The following RYR3 variants were observed in gnomAD, a reference collection of about 807,000 sequenced individuals.
RYR3 encodes brain ryanodine receptor-calcium release channel.
Under a neutral mutation model 584.3 loss-of-function variants are expected in RYR3, and 207 were observed. The ratio of observed to expected loss-of-function variants is 0.35; its 90% CI spans 0.32 to 0.40. RYR3 has a LOEUF of 0.40. RYR3 is among the 10% of genes least tolerant of loss of function. The pLI is 1.00. For synonymous variants in RYR3, 2,416 were observed against 2,248.5 expected (o/e 1.07, Z -2.11); for missense variants, 5,616 against 6,089.2 (o/e 0.92, Z 2.59).
intron 38 of RYR3, among the ~76,000 whole-genome samples, chr15:33,687,841 G>T (rs1291785029): frequency 2.0e-5 from 3 of 152,180 alleles, no homozygotes; most frequent in African/African-American, 7.2e-5. Flanking sequence ...AAATGGTGCT[G>T]GGAAAACTGG....
chr15:33,637,189 A>G (rs16957065), intron 27 of RYR3, among the ~76,000 whole-genome samples: 43,841 of 152,134 alleles, frequency 0.29, 7,140 homozygotes, highest in Middle Eastern at 0.37. Flanking sequence ...TATGTACACA[A>G]GACTGTTGGT....
intron 98 of RYR3, among the ~76,000 whole-genome samples, chr15:33,857,502 C>T (rs1023874088): frequency 9.9e-5 from 15 of 152,104 alleles, no homozygotes; most frequent in Admixed American, 9.8e-4. Context: ...GTACTGGAGG[C>T]CAGGACCTCA....
At chr15:33,819,969 A>G (rs879053486) in intron 77 of RYR3, among the ~76,000 whole-genome samples, 162 bp downstream of exon 77, 3 of 152,200 alleles carry the variant, frequency 2.0e-5, no homozygotes, top group South Asian at 4.1e-4. Flanking sequence ...ATATTAGTAA[A>G]CCAATTCACC....
intron 48 of RYR3, 107 bp downstream of exon 48, chr15:33,731,801 A>G (rs1596344622): frequency 1.1e-5 from 8 of 758,248 alleles, no homozygotes; most frequent in Non-Finnish European, 1.8e-5. Flanking sequence ...CTTCCAGGCC[A>G]TTGTCATACA....
In RYR3 at chr15:33,762,931, T is replaced by C. The variant is rs539197007; in HGVS notation, c.8705+5335T>C. On this transcript the variant is annotated intron_variant, in intron 60 of 103. Transcript: ENST00000634891. ...GTACCAAAACAGAGATATAGACCAA[T>C]GGAACAGAACACAGGCCTCAGAAAT... Among the ~76,000 whole-genome samples, 24 of 152,148 alleles carry C rather than the reference T, an allele frequency of 1.6e-4. No individual in the cohort carries two copies. The South Asian group carries it at 5.0e-3, about 32-fold the overall frequency.
intron 1 of RYR3, among the ~76,000 whole-genome samples, chr15:33,470,300 G>C (rs946216830): frequency 6.6e-6 from 1 of 152,044 alleles, no homozygotes; most frequent in Non-Finnish European, 1.5e-5. Context: ...GGGAGGTATG[G>C]TTATTTTATA....
At chr15:33,430,066 A>G (rs2044997249) in intron 1 of RYR3, among the ~76,000 whole-genome samples, 1 of 152,268 alleles carries the variant, frequency 6.6e-6, no homozygotes, top group Non-Finnish European at 1.5e-5. Context: ...TCCAGCCAAC[A>G]TCAGCAAAAA....
chr15:33,838,814 G>A lies in RYR3; in HGVS notation c.12834G>A (p.Met4278Ile). The change falls in exon 89 of 104, where the codon ATG becomes ATA. Residue 4278 changes from methionine to isoleucine, a missense_variant. Physicochemically the swap from Met to Ile is conservative, Grantham distance 10. Coordinates refer to ENST00000634891, the MANE Select transcript of RYR3 (RefSeq NM_001036.6). The stretch of plus-strand genomic sequence containing the variant: ...GGGAGAAGGGAGATACAGATATCAT[G>A]TCAGACCTCTTTGGACTCCACCCAA... ...IKGEKGDTDI[M>I]SDLFGLHPKK... 6.2e-7 allele frequency: 1 copy of A among 1,613,946 alleles called. No individual in the cohort carries two copies. Among genetic ancestry groups the A allele is most frequent in the East Asian group, 2.2e-5 (1 of 44,886 alleles).
In RYR3 at chr15:33,827,261, A is replaced by G. The variant is rs1175839691; in HGVS notation, c.11308A>G (p.Thr3770Ala). The change falls in exon 85 of 104, where the codon ACT becomes GCT. Residue 3770 changes from threonine to alanine, a missense_variant. Physicochemically the swap from Thr to Ala is moderately conservative, Grantham distance 58 (BLOSUM62 0). Coordinates refer to ENST00000634891, the MANE Select transcript of RYR3 (RefSeq NM_001036.6). Reference sequence around the variant, plus strand: ...CACCACCGTGAATGTCATCATCAGCACTGTGGACTACCTTCTGCGTCTGCA... The same window carrying G: ...CACCACCGTGAATGTCATCATCAGCGCTGTGGACTACCTTCTGCGTCTGCA... ...NTTTVNVIIS[T>A]VDYLLRLQES... 6.4e-7 allele frequency: 1 copy of G among 1,553,170 alleles called. No individual in the cohort carries two copies.
At chr15:33,368,698 C>T (rs1567108762) in intron 1 of RYR3, among the ~76,000 whole-genome samples, 1 of 152,068 alleles carries the variant, frequency 6.6e-6, no homozygotes, top group Admixed American at 6.6e-5. Flanking sequence ...TTCCCATGCA[C>T]CTTGTCGGAG....
At chr15:33,575,019 A>T (rs1481152185) in intron 12 of RYR3, among the ~76,000 whole-genome samples, 1 of 152,244 alleles carries the variant, frequency 6.6e-6, no homozygotes, top group Non-Finnish European at 1.5e-5. Flanking sequence ...ACTAAGATCA[A>T]AAAAGACAAA....
At chr15:33,816,692 G>A (rs1357072075) in intron 74 of RYR3, among the ~76,000 whole-genome samples, 170 bp from the exon 75 acceptor site, 1 of 152,144 alleles carries the variant, frequency 6.6e-6, no homozygotes, top group East Asian at 1.9e-4. Flanking sequence ...CATGGTAGAG[G>A]GTTCTGGTTT....
chr15:33,590,513 T>C (rs2059077388), intron 16 of RYR3, among the ~76,000 whole-genome samples: 1 of 152,196 alleles, frequency 6.6e-6, no homozygotes, highest in East Asian at 1.9e-4. Context: ...TTCAAAGATA[T>C]TCATTCTTCT....
chr15:33,768,816 G>A, intron 61 of RYR3, 109 bp downstream of exon 61: 1 of 1,048,696 alleles, frequency 9.5e-7, no homozygotes, highest in Non-Finnish European at 1.5e-6. Context: ...GGACTAAGGT[G>A]TCACCTAAAT....
chr15:33,730,250 A>C (rs1399964318), intron 47 of RYR3, among the ~76,000 whole-genome samples: 2 of 152,216 alleles, frequency 1.3e-5, no homozygotes, highest in African/African-American at 2.4e-5. Flanking sequence ...CAAATAATTT[A>C]ATGTTTTTAT....
At chr15:33,543,041 C>T (rs577628560) in intron 7 of RYR3, among the ~76,000 whole-genome samples, 9 of 152,264 alleles carry the variant, frequency 5.9e-5, no homozygotes, top group Non-Finnish European at 1.2e-4. Context: ...AGCGTCTACA[C>T]TTGTTCACTC....
intron 38 of RYR3, among the ~76,000 whole-genome samples, chr15:33,678,750 G>A (rs994109363): frequency 3.3e-5 from 5 of 152,284 alleles, no homozygotes; most frequent in East Asian, 1.9e-4. Flanking sequence ...CGCGCCTCGA[G>A]GGGTCTGACA....
At position 33,748,183 on chromosome 15, in the gene RYR3, G is replaced by A. The variant is rs1567084882; in HGVS notation, c.8059G>A (p.Glu2687Lys). ...KTMLAVGWTVERTKEGEALVQ... is the reference protein window; with the variant it reads ...KTMLAVGWTVKRTKEGEALVQ... ...CATGCTGGCTGTGGGCTGGACTGTG[G>A]AGAGGACCAAAGAGGGAGAAGCTTT... The change falls in exon 54 of 104, where the codon GAG (glutamate) becomes AAG (lysine). Residue 2687 changes from glutamate (E) to lysine (K), a missense_variant. By Grantham distance (56) the Glu-to-Lys change is moderately conservative. This residue lies in a region of RYR3 where 1,280 missense variants were observed against 1,426.2 expected (regional missense o/e 0.90). Coordinates refer to ENST00000634891, the MANE Select transcript of RYR3 (RefSeq NM_001036.6). The A allele has an allele frequency of 6.2e-7, 1 of 1,613,908 alleles. No homozygotes were observed. The highest frequency in any genetic ancestry group is 2.2e-5 in the East Asian group (1 of 44,868).
chr15:33,722,725 GGAA>G lies in RYR3; in HGVS notation c.6634_6636del (p.Glu2212del), dbSNP rs766454800. On this transcript the variant is annotated inframe_deletion, in exon 44 of 104. Coordinates refer to ENST00000634891, the MANE Select transcript of RYR3 (RefSeq NM_001036.6). ...GCCTGTCTTCCTCAGGTGAGAGTGT[GGAA>G]GAAAACGCCAGCGTTGTGGTCAAGC... is the stretch of plus-strand genomic sequence containing the variant. 6.2e-7 allele frequency: 1 copy of G among 1,612,344 alleles called. No homozygotes were observed. Among genetic ancestry groups the G allele is most frequent in the Admixed American group, 1.7e-5 (1 of 59,488 alleles).
Sources: gnomAD v4.1 joint callset for allele counts (sites outside exome capture counted in the v4.1 genomes callset) on GRCh38, gnomAD v4.1.1 for gene constraint, gnomAD v4.1.1 regional missense constraint, MANE v1.5 for transcripts, NCBI Gene and HGNC (gene_info 2026-07-23, HGNC 2026-07-21) for gene names.